Variants in DPP10 observed in about 807,000 individuals in gnomAD.
DPP10 encodes the protein dipeptidyl peptidase like 10.
Under a neutral mutation model 120.9 loss-of-function variants are expected in DPP10, and 33 were observed. The ratio of observed to expected loss-of-function variants is 0.27; its 90% CI spans 0.21 to 0.37. DPP10 has a LOEUF of 0.37. DPP10 is among the 10% of genes least tolerant of loss of function. DPP10 has a pLI of 1.00. For missense variants in DPP10, 816 were observed against 942.8 expected, an observed-to-expected ratio of 0.87 and a Z score of 1.76; for synonymous variants, 337 against 326.1, an observed-to-expected ratio of 1.03 and a Z score of -0.36.
intron 1 of DPP10, among the ~76,000 whole-genome samples, chr2:114,507,620 T>C (rs1351262911): frequency 6.6e-6 from 1 of 152,148 alleles, no homozygotes. Flanking sequence ...TGAGGTTCTA[T>C]CCGGGATTGA....
chr2:115,683,708 T>G (rs2090807462), intron 5 of DPP10, among the ~76,000 whole-genome samples: 1 of 151,954 alleles, frequency 6.6e-6, no homozygotes, highest in African/African-American at 2.4e-5. Flanking sequence ...ACCTGAATTT[T>G]ATATTCGTAA....
intron 4 of DPP10, among the ~76,000 whole-genome samples, chr2:115,519,132 A>G (rs752607063): frequency 5.9e-5 from 9 of 152,010 alleles, no homozygotes; most frequent in Non-Finnish European, 1.3e-4. Flanking sequence ...TTTCTGCCCT[A>G]TTTTTTTAAG....
chr2:114,793,613 TAGA>T (rs933898958), intron 1 of DPP10, among the ~76,000 whole-genome samples: 96 of 152,334 alleles, frequency 6.3e-4, no homozygotes, highest in African/African-American at 2.2e-3. Context: ...CTGCCAAAAC[TAGA>T]AGATGTCATA....
At chr2:115,473,133 T>C (rs999800234) in intron 3 of DPP10, among the ~76,000 whole-genome samples, 1 of 152,228 alleles carries the variant, frequency 6.6e-6, no homozygotes, top group African/African-American at 2.4e-5. Flanking sequence ...TTTGTTATCA[T>C]TATTTAGTAG....
At chr2:115,140,936 A>AAC (rs2050896073) in intron 1 of DPP10, among the ~76,000 whole-genome samples, 1 of 151,602 alleles carries the variant, frequency 6.6e-6, no homozygotes, top group East Asian at 1.9e-4. Flanking sequence ...GAAAAAAAAA[A>AAC]AAAAACTAAA....
At chr2:115,374,007 C>T (rs2065605374) in intron 3 of DPP10, among the ~76,000 whole-genome samples, 1 of 152,044 alleles carries the variant, frequency 6.6e-6, no homozygotes, top group Admixed American at 6.6e-5. Flanking sequence ...ATGTTCCAGT[C>T]ACCTCCCACC....
At chr2:114,894,496 C>G (rs191882822) in intron 1 of DPP10, among the ~76,000 whole-genome samples, 41 of 152,296 alleles carry the variant, frequency 2.7e-4, no homozygotes, top group African/African-American at 8.7e-4. Context: ...CGCTAAACCT[C>G]AGTCCACTCT....
At chr2:114,497,311 ATG>A (rs1682706268) in intron 1 of DPP10, among the ~76,000 whole-genome samples, 6 of 33,734 alleles carry the variant, frequency 1.8e-4, no homozygotes, top group African/African-American at 4.4e-4. Flanking sequence ...ACGTGTATAC[ATG>A]TACATGTATA....
intron 3 of DPP10, among the ~76,000 whole-genome samples, chr2:115,465,445 A>G (rs532037629): frequency 5.9e-5 from 9 of 152,368 alleles, no homozygotes; most frequent in African/African-American, 1.7e-4. Context: ...TACACACAGA[A>G]TATGAGAATG....
At chr2:114,660,303 T>C (rs1697302468) in intron 1 of DPP10, among the ~76,000 whole-genome samples, 1 of 152,190 alleles carries the variant, frequency 6.6e-6, no homozygotes, top group African/African-American at 2.4e-5. Flanking sequence ...AATTACACTT[T>C]TTTTTCTAAA....
At chr2:114,666,669 G>C (rs1454720023) in intron 1 of DPP10, among the ~76,000 whole-genome samples, 1 of 152,136 alleles carries the variant, frequency 6.6e-6, no homozygotes, top group Admixed American at 6.5e-5. Context: ...AGAGGTTGAG[G>C]CACCTTAGAG....
At chr2:115,838,654 A>G (rs893757856) in intron 24 of DPP10, among the ~76,000 whole-genome samples, 5 of 152,142 alleles carry the variant, frequency 3.3e-5, no homozygotes, top group African/African-American at 1.2e-4. Context: ...TGTTGTAGCT[A>G]TAAAGGTAAA....
chr2:115,235,096 G>T (rs186380545), intron 1 of DPP10, among the ~76,000 whole-genome samples: 1 of 152,076 alleles, frequency 6.6e-6, no homozygotes, highest in Non-Finnish European at 1.5e-5. Flanking sequence ...TTGTGCACTT[G>T]CTGATTTCGT....
chr2:115,111,281 C>T (rs2049205708), intron 1 of DPP10, among the ~76,000 whole-genome samples: 1 of 149,884 alleles, frequency 6.7e-6, no homozygotes, highest in African/African-American at 2.5e-5. Flanking sequence ...CTTTTTAATG[C>T]TCATTGGTTT....
intron 1 of DPP10, among the ~76,000 whole-genome samples, chr2:115,109,723 C>T (rs867679543): frequency 1.1e-4 from 17 of 152,292 alleles, no homozygotes; most frequent in Admixed American, 6.5e-4. Flanking sequence ...GATTCCTTCA[C>T]GCTGAATCCT....
intron 13 of DPP10, 114 bp from the exon 14 acceptor site, chr2:115,777,094 G>A: frequency 2.3e-6 from 2 of 855,622 alleles, no homozygotes; most frequent in Non-Finnish European, 1.9e-6. Context: ...AGAAAACTGA[G>A]TGTTAACTGA....
At chr2:115,816,504 C>T (rs375225819) in intron 21 of DPP10, among the ~76,000 whole-genome samples, 4 of 151,926 alleles carry the variant, frequency 2.6e-5, no homozygotes, top group South Asian at 2.1e-4. Context: ...GCTCTCTGCA[C>T]GATATTTACT....
chr2:115,643,378 T>G (rs980874718), intron 5 of DPP10, among the ~76,000 whole-genome samples: 2 of 152,172 alleles, frequency 1.3e-5, no homozygotes, highest in African/African-American at 4.8e-5. Context: ...ACAGGATTGC[T>G]AATAAAGAAT....
intron 1 of DPP10, among the ~76,000 whole-genome samples, chr2:115,132,643 G>A (rs1006921451): frequency 6.6e-6 from 1 of 152,050 alleles, no homozygotes; most frequent in African/African-American, 2.4e-5. Flanking sequence ...GCTCCAAAAG[G>A]GAGGGGATAT....
Sources: allele counts gnomAD v4.1 joint callset (sites outside exome capture counted in the v4.1 genomes callset), GRCh38; gene constraint gnomAD v4.1.1; transcripts MANE v1.5; gene names NCBI Gene and HGNC (gene_info 2026-07-23, HGNC 2026-07-21).